Variants in NUDCD2 observed in about 807,000 individuals in gnomAD.
NUDCD2 encodes nudC domain-containing protein 2.
Under a neutral mutation model 20.8 loss-of-function variants are expected in NUDCD2, and 16 were observed. The observed-to-expected ratio is 0.77, with a 90% CI of 0.52 to 1.17. NUDCD2 has a LOEUF of 1.17. Ranked by LOEUF, NUDCD2 falls within the 50% of genes most tolerant of loss-of-function variation. The probability of loss-of-function intolerance (pLI) is 0.00; values close to 1 mark genes in which losing one functional copy is unlikely to be tolerated. For missense variants in NUDCD2, 199 were observed against 193.9 expected, an observed-to-expected ratio of 1.03 and a Z score of -0.16; for synonymous variants, 87 against 72.8, an observed-to-expected ratio of 1.20 and a Z score of -1.00.
chr5:163,459,893 G>C lies in NUDCD2; in HGVS notation c.158C>G (p.Ala53Gly). Residue 53 changes from alanine to glycine, a missense_variant, in exon 1 of 4, where the codon GCG becomes GGG. Ala to Gly is a moderately conservative substitution (Grantham distance 60, BLOSUM62 0). Transcript: ENST00000302764. ...IQCGLQSRHV[A>G]LSVGGREILK... is the part of the protein sequence containing the mutation. ...GATCTCGCGGCCGCCCACCGACAGC[G>C]CCACATGCCGGCTCTGGAGGCCGCA... is the stretch of plus-strand genomic sequence containing the variant. 4 of 1,608,844 alleles carry C rather than the reference G, an allele frequency of 2.5e-6. No homozygotes were observed. The highest frequency in any genetic ancestry group is 3.4e-6 in the Non-Finnish European group (4 of 1,178,102).
intron 2 of NUDCD2, 42 bp downstream of exon 2, chr5:163,457,520 C>A: frequency 8.5e-7 from 1 of 1,174,642 alleles, no homozygotes; most frequent in Non-Finnish European, 1.3e-6. Context: ...GATATCAAGA[C>A]AAAATTATTT....
At chr5:163,457,674 T>C in intron 1 of NUDCD2, 64 bp from the exon 2 acceptor site, 3 of 1,061,938 alleles carry the variant, frequency 2.8e-6, no homozygotes, top group South Asian at 2.6e-5. Flanking sequence ...TTTTCATGAT[T>C]AAGATTTACC....
Position 163,457,574 on chromosome 5 carries a change from T to C in NUDCD2, c.226A>G (p.Thr76Ala). ...TAATTACCCTTACCCAAAGTCCATG[T>C]TCCCTCATCAGCTATTGTAGAATCA... ...LFDSTIADEGTWTLEDRKMVR... is the reference protein window; with the variant it reads ...LFDSTIADEGAWTLEDRKMVR... The change falls in exon 2 of 4, where the codon ACA becomes GCA. Residue 76 changes from threonine to alanine, a missense_variant. Physicochemically the swap from Thr to Ala is moderately conservative, Grantham distance 58. Transcript: ENST00000302764. 1 of 1,575,010 alleles carries C rather than the reference T, an allele frequency of 6.3e-7. No individual in the cohort carries two copies. The highest frequency in any genetic ancestry group is 8.7e-7 in the Non-Finnish European group (1 of 1,144,852).
Position 163,457,089 on chromosome 5 carries a change from A to C in NUDCD2, c.239-9T>G. The C allele has an allele frequency of 6.3e-7, 1 of 1,589,340 alleles. No individual in the cohort carries two copies. Among genetic ancestry groups the C allele is most frequent in the East Asian group, 2.2e-5 (1 of 44,738 alleles). On this transcript the variant is annotated splice_polypyrimidine_tract_variant and intron_variant, in intron 2 of 3. Coordinates refer to ENST00000302764, the MANE Select transcript of NUDCD2 (RefSeq NM_145266.6). ...AACCATTTTTCTGTCCTCTAAAAAA[A>C]AAACACACACACACACACGCACAAA... is the stretch of plus-strand genomic sequence containing the variant.
intron 1 of NUDCD2, chr5:163,459,640 G>C: frequency 2.5e-6 from 1 of 400,394 alleles, no homozygotes; most frequent in Non-Finnish European, 4.5e-6. Flanking sequence ...AGCAGTCTTA[G>C]TTTGAAAACT....
chr5:163,459,984 G>C lies in NUDCD2; in HGVS notation c.67C>G (p.Gln23Glu). 1.2e-6 allele frequency: 2 copies of C among 1,613,514 alleles called. No homozygotes were observed. Among genetic ancestry groups the C allele is most frequent in the South Asian group, 2.2e-5 (2 of 91,064 alleles). Residue 23 changes from glutamine to glutamate, a missense_variant, in exon 1 of 4, where the codon CAG becomes GAG. By Grantham distance (29) the Gln-to-Glu change is conservative. Coordinates refer to ENST00000302764, the MANE Select transcript of NUDCD2 (RefSeq NM_145266.6). ...TCAATGAACACCTCCTCCAAGGTCT[G>C]GTACCACTGGCCCCACGGGGTCCCG... is the stretch of plus-strand genomic sequence containing the variant. ...PCGTPWGQWYQTLEEVFIEVQ... is the reference protein window; with the variant it reads ...PCGTPWGQWYETLEEVFIEVQ...
intron 3 of NUDCD2, among the ~76,000 whole-genome samples, chr5:163,454,556 G>A (rs1758254410): frequency 6.6e-6 from 1 of 152,170 alleles, no homozygotes; most frequent in African/African-American, 2.4e-5. Flanking sequence ...GGTCAGGCTT[G>A]TCTTGAACTC....
chr5:163,458,022 T>C (rs1017132276), intron 1 of NUDCD2, among the ~76,000 whole-genome samples: 5 of 118,998 alleles, frequency 4.2e-5, no homozygotes, highest in Non-Finnish European at 8.2e-5. Flanking sequence ...AGAGTTTCGC[T>C]CTGTCGCCCA....
At position 163,449,870 on chromosome 5, in the gene NUDCD2, A is replaced by G. The variant is rs1270044237; in HGVS notation, c.*4097T>C. 2 of 152,200 alleles carry G rather than the reference A, an allele frequency of 1.3e-5. No homozygotes were observed. Among genetic ancestry groups the G allele is most frequent in the Admixed American group, 1.3e-4 (2 of 15,266 alleles). 9.4% of individuals were successfully genotyped at this position (152,200 alleles called of 1,614,324 possible). A position where few individuals can be genotyped will look rare whatever the true frequency, so the allele number is the denominator to read the frequency against. On this transcript the variant is annotated 3_prime_UTR_variant, in exon 4 of 4. Transcript: ENST00000302764. Reference sequence around the variant, plus strand: ...TGAACATCCATATGCAAAAAAATAAACCTACCTAAATTTCACAGCTTATAC... The same window carrying G: ...TGAACATCCATATGCAAAAAAATAAGCCTACCTAAATTTCACAGCTTATAC...
chr5:163,456,450 G>A (rs755307034), intron 3 of NUDCD2, among the ~76,000 whole-genome samples: 1 of 152,072 alleles, frequency 6.6e-6, no homozygotes, highest in Non-Finnish European at 1.5e-5. Context: ...TGTATTAGTA[G>A]GGAAAGAGAC....
Position 163,449,202 on chromosome 5 carries a change from A to G in NUDCD2, c.*4765T>C, listed in dbSNP as rs1174914621. 1 of 152,252 alleles carries G rather than the reference A, an allele frequency of 6.6e-6. No individual in the cohort carries two copies. The highest frequency in any genetic ancestry group is 6.5e-5 in the Admixed American group (1 of 15,288). The allele number at this position is 152,252 out of a possible 1,614,324, so 9.4% of individuals were successfully genotyped here. On this transcript the variant is annotated 3_prime_UTR_variant, in exon 4 of 4. Transcript: ENST00000302764. ...TCAGGCAAGAAAAATCATAGACTAA[A>G]AAGAATAAAATAAAACTGTTTCTAT...
At chr5:163,454,252 T>C (rs1011270571) in intron 3 of NUDCD2, among the ~76,000 whole-genome samples, 1 of 152,222 alleles carries the variant, frequency 6.6e-6, no homozygotes, top group Non-Finnish European at 1.5e-5. Flanking sequence ...AGACATCATA[T>C]GTACACTACA....
At chr5:163,457,665 T>G in intron 1 of NUDCD2, 55 bp from the exon 2 acceptor site, 1 of 1,139,902 alleles carries the variant, frequency 8.8e-7, no homozygotes, top group African/African-American at 1.5e-5. Context: ...TTTATAAAGT[T>G]TTCATGATTA....
At position 163,457,690 on chromosome 5, in the gene NUDCD2, T is replaced by G; in HGVS notation, c.190-80A>C. The G allele has an allele frequency of 4.6e-6, 4 of 871,836 alleles. No individual in the cohort carries two copies. In the South Asian group the frequency reaches 5.6e-5, roughly 12 times the overall value. 54.0% of individuals were successfully genotyped at this position (871,836 alleles called of 1,614,324 possible). On this transcript the variant is annotated intron_variant, in intron 1 of 3. Transcript: ENST00000302764. ...TTTCATGATTAAGATTTACCTACTT[T>G]CCTACCTAATCCACATCTTATACCA...
In NUDCD2 at chr5:163,452,918, A is replaced by G. The variant is rs1758211421; in HGVS notation, c.*1049T>C. ...AGCTGACATCTAAATGAAAGGCATG[A>G]TTCTGACTGGATCCTCTTGCTATAT... On this transcript the variant is annotated 3_prime_UTR_variant, in exon 4 of 4. Transcript: ENST00000302764. 1 of 152,252 alleles carries G rather than the reference A, an allele frequency of 6.6e-6. No homozygotes were observed. The highest frequency in any genetic ancestry group is 1.5e-5 in the Non-Finnish European group (1 of 68,042). 9.4% of individuals were successfully genotyped at this position (152,252 alleles called of 1,614,324 possible).
rs1478725602 is a variant in NUDCD2 at position 163,456,970 on chromosome 5, G to C, written c.349C>G (p.Gln117Glu). The C allele has an allele frequency of 1.9e-6, 3 of 1,610,536 alleles. No homozygotes were observed. Among genetic ancestry groups the C allele is most frequent in the Non-Finnish European group, 8.5e-7 (1 of 1,178,668 alleles). Residue 117 changes from glutamine to glutamate, a missense_variant, in exon 3 of 4, where the codon CAA becomes GAA. Physicochemically the swap from Gln to Glu is conservative, Grantham distance 29. Coordinates refer to ENST00000302764, the MANE Select transcript of NUDCD2 (RefSeq NM_145266.6). ...EYAADPWVQDQMQRKLTLERF... is the reference protein window; with the variant it reads ...EYAADPWVQDEMQRKLTLERF... ...TCTAATGTAAGCTTTCTCTGCATTT[G>C]GTCTTGCACCCAAGGATCCGCTGCA...
chr5:163,458,146 C>A (rs1489371794), intron 1 of NUDCD2, among the ~76,000 whole-genome samples: 16 of 151,882 alleles, frequency 1.1e-4, no homozygotes. Flanking sequence ...CCACGCCCGG[C>A]TAATTTTTGT....
chr5:163,454,344 A>G (rs1413836033), intron 3 of NUDCD2, among the ~76,000 whole-genome samples: 1 of 151,984 alleles, frequency 6.6e-6, no homozygotes, highest in Non-Finnish European at 1.5e-5. Flanking sequence ...TATTTTATTT[A>G]TTATTATTTT....
chr5:163,452,097 C>T lies in NUDCD2; in HGVS notation c.*1870G>A, dbSNP rs986580110. 2 of 151,496 alleles carry T rather than the reference C, an allele frequency of 1.3e-5. No homozygotes were observed. Among genetic ancestry groups the T allele is most frequent in the South Asian group, 2.1e-4 (1 of 4,816 alleles). 9.4% of individuals were successfully genotyped at this position (151,496 alleles called of 1,614,324 possible). On this transcript the variant is annotated 3_prime_UTR_variant, in exon 4 of 4. Transcript: ENST00000302764. ...AAATAATCAAATAGGAATCAGGTTTCTCACTGGTACTGAAAACGGTTATAA... is the reference window on the plus strand; with the variant it reads ...AAATAATCAAATAGGAATCAGGTTTTTCACTGGTACTGAAAACGGTTATAA...
Sources: allele counts gnomAD v4.1 joint callset (sites outside exome capture counted in the v4.1 genomes callset), GRCh38; gene constraint gnomAD v4.1.1; transcripts MANE v1.5; gene names NCBI Gene and HGNC (gene_info 2026-07-23, HGNC 2026-07-21).